Variants in SPMAP2L observed in about 807,000 individuals in gnomAD.
The protein encoded by SPMAP2L is sperm microtubule associated protein 2 like, also known as sperm microtubule associated protein 2-like.
At chr4:56,600,443 G>A in the SPMAP2L span, among the ~76,000 whole-genome samples, 1 of 151,972 alleles carries the variant, frequency 6.6e-6, no homozygotes, top group East Asian at 1.9e-4. Context: ...ACAGGCACGG[G>A]CCACCAAGCC....
chr4:56,542,517 T>C, the SPMAP2L span, among the ~76,000 whole-genome samples: 12 of 152,058 alleles, frequency 7.9e-5, no homozygotes, highest in Admixed American at 6.6e-5. Context: ...AAATAACTTA[T>C]GTTTTCTCCC....
the SPMAP2L span, among the ~76,000 whole-genome samples, chr4:56,556,791 C>T: frequency 6.6e-6 from 1 of 151,876 alleles, no homozygotes; most frequent in African/African-American, 2.4e-5. Flanking sequence ...AGGAGAATTG[C>T]TTGAACCTGG....
At chr4:56,605,639 G>T in the SPMAP2L span, among the ~76,000 whole-genome samples, 2 of 152,030 alleles carry the variant, frequency 1.3e-5, no homozygotes, top group African/African-American at 4.8e-5. Flanking sequence ...GGAAAGCTGG[G>T]CAAACTCCAA....
the SPMAP2L span, among the ~76,000 whole-genome samples, chr4:56,600,084 T>TTTTGC: frequency 1.3e-5 from 2 of 148,804 alleles, no homozygotes; most frequent in African/African-American, 5.0e-5. Flanking sequence ...TAATTTTTGT[T>TTTTGC]TTTCTTTGCT....
At chr4:56,573,107 G>A in the SPMAP2L span, among the ~76,000 whole-genome samples, 3 of 151,970 alleles carry the variant, frequency 2.0e-5, no homozygotes, top group South Asian at 2.1e-4. Flanking sequence ...GGAGAAGCAC[G>A]TAAGGGCAGC....
At chr4:56,609,229 G>A in the SPMAP2L span, among the ~76,000 whole-genome samples, 1 of 151,818 alleles carries the variant, frequency 6.6e-6, no homozygotes, top group African/African-American at 2.4e-5. Flanking sequence ...TTTTAGTAGA[G>A]GCAGGGTTTC....
the SPMAP2L span, among the ~76,000 whole-genome samples, chr4:56,602,503 G>A: frequency 2.7e-3 from 415 of 152,158 alleles, no homozygotes; most frequent in Non-Finnish European, 3.7e-3. Context: ...GACCAGACTG[G>A]GCAACATGGT....
At chr4:56,599,610 A>G in the SPMAP2L span, among the ~76,000 whole-genome samples, 2 of 152,058 alleles carry the variant, frequency 1.3e-5, no homozygotes, top group Middle Eastern at 3.2e-3. Flanking sequence ...GTGTCCATGC[A>G]TTCTCATTGT....
the SPMAP2L span, among the ~76,000 whole-genome samples, chr4:56,568,537 T>C: frequency 6.6e-6 from 1 of 152,216 alleles, no homozygotes; most frequent in African/African-American, 2.4e-5. Flanking sequence ...ATTTAAGGTA[T>C]ATAATTTAGT....
the SPMAP2L span, chr4:56,593,585 G>A: frequency 1.9e-6 from 3 of 1,603,458 alleles, no homozygotes; most frequent in East Asian, 2.2e-5. Context: ...AGAATTTGGG[G>A]TAGACATCGC....
the SPMAP2L span, among the ~76,000 whole-genome samples, chr4:56,623,694 T>C: frequency 6.6e-6 from 1 of 152,106 alleles, no homozygotes; most frequent in Non-Finnish European, 1.5e-5. Context: ...ATGGGTTTAT[T>C]GGGGGTCTCC....
At chr4:56,588,697 C>T in the SPMAP2L span, among the ~76,000 whole-genome samples, 1 of 152,208 alleles carries the variant, frequency 6.6e-6, no homozygotes, top group African/African-American at 2.4e-5. Flanking sequence ...TCCCAAAGTG[C>T]TGGGATTACA....
the SPMAP2L span, among the ~76,000 whole-genome samples, chr4:56,617,942 G>C: frequency 6.6e-6 from 1 of 152,216 alleles, no homozygotes; most frequent in Admixed American, 6.5e-5. Context: ...GCTTGTTGGC[G>C]TGCTCTTCCA....
chr4:56,557,806 G>A, the SPMAP2L span: 1 of 152,298 alleles, frequency 6.6e-6, no homozygotes, highest in Admixed American at 6.5e-5. Context: ...ATGGACCATA[G>A]AAGATTACAT....
chr4:56,557,820 T>A, the SPMAP2L span: 27 of 152,196 alleles, frequency 1.8e-4, no homozygotes, highest in Non-Finnish European at 2.9e-4. Flanking sequence ...ATTACATTTT[T>A]ATTTTCTTGA....
the SPMAP2L span, among the ~76,000 whole-genome samples, chr4:56,608,363 A>G: frequency 2.0e-5 from 3 of 152,240 alleles, no homozygotes; most frequent in East Asian, 1.9e-4. Flanking sequence ...GAACACCAAG[A>G]GTGTGACCAA....
chr4:56,623,092 TAG>T, the SPMAP2L span, among the ~76,000 whole-genome samples: 3 of 152,308 alleles, frequency 2.0e-5, no homozygotes, highest in East Asian at 5.8e-4. Flanking sequence ...GCTGCCTTTC[TAG>T]CCTGCCCAGG....
At chr4:56,567,442 G>GTTTTTTTTTT in the SPMAP2L span, among the ~76,000 whole-genome samples, 1,274 of 65,550 alleles carry the variant, frequency 0.019, 93 homozygotes, top group East Asian at 0.029. Context: ...AATTTTGGTG[G>GTTTTTTTTTT]TTTTTTTTTT....
the SPMAP2L span, among the ~76,000 whole-genome samples, chr4:56,623,765 C>A: frequency 6.6e-6 from 1 of 152,182 alleles, no homozygotes; most frequent in African/African-American, 2.4e-5. Flanking sequence ...CCTTTCACCT[C>A]CCACCATGAT....
Sources: allele counts gnomAD v4.1 joint callset (sites outside exome capture counted in the v4.1 genomes callset), GRCh38; gene constraint gnomAD v4.1.1; transcripts MANE v1.5; gene names NCBI Gene and HGNC (gene_info 2026-07-23, HGNC 2026-07-21).